The following MIS18A variants were observed in gnomAD, a reference collection of about 807,000 sequenced individuals.
MIS18A encodes MIS18 kinetochore protein A.
MIS18A carries 14 observed loss-of-function variants against 25.0 expected under a neutral mutation model. That is an observed-to-expected ratio of 0.56 (90% CI 0.37 to 0.88). The LOEUF is 0.88. Among genes scored for constraint, MIS18A ranks in the 40% least tolerant of loss-of-function variants. MIS18A has a pLI of 0.00. For synonymous variants in MIS18A, 134 were observed against 118.6 expected, an observed-to-expected ratio of 1.13 and a Z score of -0.84; for missense variants, 292 against 290.8, an observed-to-expected ratio of 1.00 and a Z score of -0.03.
chr21:32,263,446 CAAG>C (rs1277831870), downstream of MIS18A, among the ~76,000 whole-genome samples: 1 of 152,076 alleles, frequency 6.6e-6, no homozygotes, highest in Non-Finnish European at 1.5e-5. Context: ...TATAAAAATA[CAAG>C]AATTAGCCAG....
At chr21:32,243,373 GT>G in the MIS18A span, among the ~76,000 whole-genome samples, 2 of 152,096 alleles carry the variant, frequency 1.3e-5, no homozygotes, top group Admixed American at 6.6e-5. Context: ...AACTACCAAA[GT>G]GCAGCAGTAA....
At chr21:32,199,543 C>T in the MIS18A span, among the ~76,000 whole-genome samples, 2 of 152,190 alleles carry the variant, frequency 1.3e-5, no homozygotes, top group African/African-American at 4.8e-5. Flanking sequence ...CGTGGTGGCT[C>T]ATGCCTGTAA....
At chr21:32,263,705 G>A (rs2031548057), downstream of MIS18A, among the ~76,000 whole-genome samples, 1 of 151,972 alleles carries the variant, frequency 6.6e-6, no homozygotes, top group Non-Finnish European at 1.5e-5. Context: ...TCTTTTGGGT[G>A]TTGAAAAGAG....
the MIS18A span, among the ~76,000 whole-genome samples, chr21:32,251,184 C>T: frequency 6.6e-6 from 1 of 152,186 alleles, no homozygotes. Context: ...CAGTCTTGGG[C>T]AGTTCTTTAT....
chr21:32,247,735 C>T, the MIS18A span, among the ~76,000 whole-genome samples: 26 of 152,226 alleles, frequency 1.7e-4, no homozygotes, highest in East Asian at 3.1e-3. Context: ...AGTGGCCACC[C>T]GCAAGCCAAG....
the MIS18A span, among the ~76,000 whole-genome samples, chr21:32,203,636 T>TTG: frequency 7.6e-6 from 1 of 131,872 alleles, no homozygotes; most frequent in African/African-American, 2.8e-5. Context: ...TTTTTTTTTT[T>TTG]TGAGATAGGG....
At chr21:32,213,155 C>T in the MIS18A span, among the ~76,000 whole-genome samples, 4 of 152,122 alleles carry the variant, frequency 2.6e-5, no homozygotes, top group Admixed American at 2.0e-4. Context: ...TTTGGCCATC[C>T]CCCTTCTGGG....
the MIS18A span, among the ~76,000 whole-genome samples, chr21:32,252,087 G>T: frequency 6.6e-6 from 1 of 152,146 alleles, no homozygotes; most frequent in Admixed American, 6.5e-5. Flanking sequence ...TCAGAAGGGT[G>T]AGGCCAAAGG....
the MIS18A span, among the ~76,000 whole-genome samples, chr21:32,226,328 A>G: frequency 6.6e-6 from 1 of 152,076 alleles, no homozygotes; most frequent in African/African-American, 2.4e-5. Flanking sequence ...GCATTTTTTA[A>G]TGCTCAACTA....
chr21:32,253,909 A>C, the MIS18A span, among the ~76,000 whole-genome samples: 2 of 152,174 alleles, frequency 1.3e-5, no homozygotes, highest in African/African-American at 4.8e-5. Flanking sequence ...TTTTTTTTAA[A>C]CAGCATTTTG....
the MIS18A span, among the ~76,000 whole-genome samples, chr21:32,177,882 C>T: frequency 6.6e-6 from 1 of 150,558 alleles, no homozygotes; most frequent in South Asian, 2.1e-4. Context: ...CAATGTAATC[C>T]CAATAAAAAT....
chr21:32,252,713 T>C, the MIS18A span, among the ~76,000 whole-genome samples: 6 of 152,156 alleles, frequency 3.9e-5, no homozygotes, highest in African/African-American at 1.4e-4. Context: ...AGGAAAGAAA[T>C]ATATGTCAGC....
chr21:32,264,905 G>A (rs555778400), downstream of MIS18A, among the ~76,000 whole-genome samples: 10 of 152,314 alleles, frequency 6.6e-5, no homozygotes, highest in East Asian at 1.3e-3. Flanking sequence ...AGCATGACTG[G>A]AGAACTTGCC....
chr21:32,183,358 T>C, the MIS18A span, among the ~76,000 whole-genome samples: 1 of 152,226 alleles, frequency 6.6e-6, no homozygotes. Flanking sequence ...ATCAAGCAAA[T>C]GTGCAATTGC....
chr21:32,160,227 G>C, the MIS18A span, among the ~76,000 whole-genome samples: 4,891 of 151,624 alleles, frequency 0.032, 107 homozygotes, highest in South Asian at 0.075. Flanking sequence ...AGACCCCTCA[G>C]AAGGGAATTT....
the MIS18A span, among the ~76,000 whole-genome samples, chr21:32,213,799 T>C: frequency 0.51 from 76,870 of 151,982 alleles, 20,655 homozygotes; most frequent in African/African-American, 0.69. Flanking sequence ...AAGAGGCTCC[T>C]TGCATTCCTT....
chr21:32,205,913 AG>A, the MIS18A span, among the ~76,000 whole-genome samples: 3 of 150,086 alleles, frequency 2.0e-5, no homozygotes, highest in Non-Finnish European at 3.0e-5. Flanking sequence ...TGGGCTGGAT[AG>A]GGGGGTTTGA....
At chr21:32,193,081 C>T in the MIS18A span, among the ~76,000 whole-genome samples, 5 of 152,174 alleles carry the variant, frequency 3.3e-5, no homozygotes, top group Non-Finnish European at 7.3e-5. Flanking sequence ...CAGAATCTGC[C>T]TCACATTTTC....
At chr21:32,226,292 A>AG in the MIS18A span, among the ~76,000 whole-genome samples, 35 of 147,832 alleles carry the variant, frequency 2.4e-4, 1 homozygote, top group South Asian at 3.0e-3. Flanking sequence ...AAAAAAAAAG[A>AG]AAAAAAAAAG....
Sources: gnomAD v4.1 joint callset for allele counts (sites outside exome capture counted in the v4.1 genomes callset) on GRCh38, gnomAD v4.1.1 for gene constraint, MANE v1.5 for transcripts, NCBI Gene and HGNC (gene_info 2026-07-23, HGNC 2026-07-21) for gene names.